NDUFS4: variants seen among roughly 807,000 people sequenced by gnomAD.
The protein encoded by NDUFS4 is NADH dehydrogenase [ubiquinone] iron-sulfur protein 4, mitochondrial.
In NDUFS4, 28 loss-of-function variants were observed where a neutral mutation model predicts 24.3. The observed-to-expected ratio is 1.15, with a 90% CI of 0.85 to 1.58. The LOEUF (loss-of-function observed/expected upper bound fraction) is 1.58, where lower values mean the gene tolerates loss of function less well. Among genes scored for constraint, NDUFS4 ranks in the 40% most tolerant of loss-of-function variants. The pLI is 0.00. For synonymous variants in NDUFS4, 93 were observed against 69.7 expected (o/e 1.34, Z -1.67); for missense variants, 223 against 207.9 (o/e 1.07, Z -0.45).
At chr5:53,663,790 T>G (rs1025953072) in intron 4 of NDUFS4, among the ~76,000 whole-genome samples, 6 of 152,228 alleles carry the variant, frequency 3.9e-5, no homozygotes, top group Admixed American at 6.5e-5. Context: ...GTATCCAGTT[T>G]GCCAGTCTGT....
intron 1 of NDUFS4, among the ~76,000 whole-genome samples, chr5:53,563,980 T>C (rs1277866454): frequency 6.6e-6 from 1 of 152,262 alleles, no homozygotes; most frequent in Non-Finnish European, 1.5e-5. Flanking sequence ...TGTGTTCATG[T>C]ATACTTATCT....
At chr5:53,626,107 A>C (rs916228442) in intron 2 of NDUFS4, among the ~76,000 whole-genome samples, 23 of 151,434 alleles carry the variant, frequency 1.5e-4, no homozygotes, top group African/African-American at 5.6e-4. Flanking sequence ...TCATTGTTCA[A>C]CTCCCACTTA....
intron 4 of NDUFS4, among the ~76,000 whole-genome samples, chr5:53,663,123 T>G (rs576234160): frequency 6.6e-6 from 1 of 152,286 alleles, no homozygotes; most frequent in South Asian, 2.1e-4. Context: ...TCCATGTAGT[T>G]GAGCGGTTTT....
intron 4 of NDUFS4, among the ~76,000 whole-genome samples, chr5:53,677,585 TA>T (rs1740519202): frequency 6.6e-6 from 1 of 152,206 alleles, no homozygotes; most frequent in Non-Finnish European, 1.5e-5. Context: ...GTGAAATTCC[TA>T]AAAAGCTATT....
At chr5:53,561,286 A>G (rs571350368) in intron 1 of NDUFS4, among the ~76,000 whole-genome samples, 1 of 152,326 alleles carries the variant, frequency 6.6e-6, no homozygotes, top group Admixed American at 6.5e-5. Context: ...TAGTAAAAAT[A>G]TCACTGCTAG....
At chr5:53,668,597 G>A (rs1449364972) in intron 4 of NDUFS4, among the ~76,000 whole-genome samples, 1 of 150,122 alleles carries the variant, frequency 6.7e-6, no homozygotes, top group Admixed American at 6.7e-5. Flanking sequence ...CTACAGGCAT[G>A]CACCACCATG....
intron 2 of NDUFS4, among the ~76,000 whole-genome samples, chr5:53,620,659 T>G (rs1034602867): frequency 6.6e-6 from 1 of 152,202 alleles, no homozygotes; most frequent in Non-Finnish European, 1.5e-5. Flanking sequence ...CTACCTATTC[T>G]TACATTCAGT....
At chr5:53,560,797 G>A (rs376038324) in intron 1 of NDUFS4, 37 bp downstream of exon 1, 8 of 1,613,272 alleles carry the variant, frequency 5.0e-6, no homozygotes, top group Non-Finnish European at 5.9e-6. Flanking sequence ...AAGCTTCTTG[G>A]GTCCCTCCAT....
chr5:53,677,100 T>A (rs1740499806), intron 4 of NDUFS4, among the ~76,000 whole-genome samples: 1 of 152,204 alleles, frequency 6.6e-6, no homozygotes, highest in East Asian at 1.9e-4. Flanking sequence ...AATGGCTGAT[T>A]TTCAGATATA....
intron 1 of NDUFS4, among the ~76,000 whole-genome samples, chr5:53,568,235 G>A (rs1749101234): frequency 2.0e-5 from 3 of 151,898 alleles, no homozygotes; most frequent in Admixed American, 6.6e-5. Flanking sequence ...CCAGTTCACT[G>A]GTTTTTAAAC....
At chr5:53,620,100 C>T (rs1045419114) in intron 2 of NDUFS4, among the ~76,000 whole-genome samples, 3 of 151,070 alleles carry the variant, frequency 2.0e-5, no homozygotes, top group African/African-American at 7.3e-5. Context: ...TGGGCAACAT[C>T]GCAAGACCCC....
At chr5:53,564,889 G>A (rs563961389) in intron 1 of NDUFS4, among the ~76,000 whole-genome samples, 14 of 152,184 alleles carry the variant, frequency 9.2e-5, no homozygotes, top group African/African-American at 2.6e-4. Context: ...CTAGATAAAT[G>A]GTAATTTTAT....
At chr5:53,573,986 G>C (rs1038806815) in intron 1 of NDUFS4, among the ~76,000 whole-genome samples, 2 of 152,098 alleles carry the variant, frequency 1.3e-5, no homozygotes, top group African/African-American at 4.8e-5. Context: ...ACATTTATTT[G>C]TTACATAAAG....
At chr5:53,587,836 C>T (rs941224110) in intron 1 of NDUFS4, among the ~76,000 whole-genome samples, 2 of 152,138 alleles carry the variant, frequency 1.3e-5, no homozygotes, top group African/African-American at 4.8e-5. Flanking sequence ...GCCTCAGTCT[C>T]CCAAAGAACT....
At chr5:53,629,072 C>T (rs367599650) in intron 2 of NDUFS4, among the ~76,000 whole-genome samples, 4 of 152,214 alleles carry the variant, frequency 2.6e-5, no homozygotes, top group South Asian at 2.1e-4. Context: ...GATTCTGGTA[C>T]GTTGTGTCTT....
intron 3 of NDUFS4, among the ~76,000 whole-genome samples, chr5:53,655,366 ATT>A (rs562996240): frequency 1.3e-3 from 149 of 117,186 alleles, no homozygotes; most frequent in Admixed American, 1.6e-3. Context: ...AGTTTTGCCT[ATT>A]TTTTTTTTTT....
intron 1 of NDUFS4, among the ~76,000 whole-genome samples, chr5:53,596,750 A>C (rs1404774612): frequency 6.6e-6 from 1 of 152,202 alleles, no homozygotes; most frequent in Non-Finnish European, 1.5e-5. Context: ...ATATAAGGTG[A>C]GTCTGGGTTA....
intron 4 of NDUFS4, among the ~76,000 whole-genome samples, chr5:53,664,665 G>A (rs912397019): frequency 1.3e-5 from 2 of 152,068 alleles, no homozygotes; most frequent in East Asian, 1.9e-4. Flanking sequence ...TTCTTGTTCC[G>A]TGGTTTTCAG....
In NDUFS4 at chr5:53,625,563, G is replaced by T. The variant is rs567066728; in HGVS notation, c.178-20670G>T. ...TTCCAGTCTTTTTCCACTATGTAGT[G>T]CAATTTGGTTAGTTTCTATTGTCCT... On this transcript the variant is annotated intron_variant, in intron 2 of 4. Coordinates refer to ENST00000296684, the MANE Select transcript of NDUFS4 (RefSeq NM_002495.4). Among the ~76,000 whole-genome samples, 41 of 152,214 alleles carry T rather than the reference G, an allele frequency of 2.7e-4. No individual in the cohort carries two copies. In the Middle Eastern group the frequency reaches 0.014, roughly 51 times the overall value.
Sources: allele counts gnomAD v4.1 joint callset (sites outside exome capture counted in the v4.1 genomes callset), GRCh38; gene constraint gnomAD v4.1.1; transcripts MANE v1.5; gene names NCBI Gene and HGNC (gene_info 2026-07-23, HGNC 2026-07-21).